DRP2: variants seen among roughly 807,000 people sequenced by gnomAD.
The protein encoded by DRP2 is dystrophin-related protein 2.
A neutral mutation model predicts 78.2 loss-of-function variants in DRP2; 29 were observed. That is an observed-to-expected ratio of 0.37 (90% CI 0.28 to 0.51). DRP2 has a LOEUF of 0.51. Ranked by LOEUF, DRP2 falls within the 20% of genes least tolerant of loss-of-function variation. The pLI is 0.94. For missense variants in DRP2, 686 were observed against 770.6 expected (o/e 0.89, Z 1.30); for synonymous variants, 290 against 281.9 (o/e 1.03, Z -0.29).
intron 2 of DRP2, among the ~76,000 whole-genome samples, chrX:101,231,049 C>T (rs781410009): frequency 2.7e-5 from 3 of 112,305 alleles, no homozygotes; most frequent in Non-Finnish European, 5.6e-5. Context: ...ATCCCATTGT[C>T]CTCTGAACAT....
chrX:101,248,177 C>A lies in DRP2; in HGVS notation c.1341C>A (p.Val447=). Residue 447 remains valine (V), a synonymous_variant, in exon 13 of 24, where the codon GTC becomes GTA. Coordinates refer to ENST00000395209, the MANE Select transcript of DRP2 (RefSeq NM_001939.3). ...AGCACGTGATGGATGTGGTAGAGGTCATTCACTGCCTGACTGCCTTATATG... is the reference window on the plus strand; with the variant it reads ...AGCACGTGATGGATGTGGTAGAGGTAATTCACTGCCTGACTGCCTTATATG... ...ASEHVMDVVE[V]IHCLTALYER... The A allele has an allele frequency of 1.7e-6, 2 of 1,211,203 alleles. No homozygotes were observed. The highest frequency in any genetic ancestry group is 1.8e-5 in the South Asian group (1 of 56,958).
At chrX:101,250,324 C>A in intron 14 of DRP2, 99 bp from the exon 15 acceptor site, 1 of 1,112,506 alleles carries the variant, frequency 9.0e-7, no homozygotes, top group South Asian at 1.9e-5. Context: ...TTAGCTCAGT[C>A]TGTGCTCTTT....
At chrX:101,226,350 A>T (rs1035996311) in intron 2 of DRP2, among the ~76,000 whole-genome samples, 1 of 112,061 alleles carries the variant, frequency 8.9e-6, no homozygotes, top group Non-Finnish European at 1.9e-5. Context: ...AACATTGTAC[A>T]TTATTCCACA....
chrX:101,227,795 T>G (rs919149416), intron 2 of DRP2, among the ~76,000 whole-genome samples: 3 of 112,064 alleles, frequency 2.7e-5, no homozygotes, highest in African/African-American at 9.7e-5. Flanking sequence ...GTGTTAGGAT[T>G]AGAAGGTCTG....
In DRP2 at chrX:101,235,947, G is replaced by T. The variant is rs1471326289; in HGVS notation, c.205G>T (p.Gly69Cys). 8.3e-7 allele frequency: 1 copy of T among 1,211,839 alleles called. No individual in the cohort carries two copies. The highest frequency in any genetic ancestry group is 2.2e-5 in the Admixed American group (1 of 46,097). The change falls in exon 4 of 24, where the codon GGT (glycine) becomes TGT (cysteine). Residue 69 changes from glycine (G) to cysteine (C), a missense_variant. Transcript: ENST00000395209. ...CCTAAAGCTGTTGAACGGGTCTGTT[G>T]GTGCCTCTGGACCCCTGGAACCACC... ...LSLKLLNGSVGASGPLEPPAM... is the reference protein window; with the variant it reads ...LSLKLLNGSVCASGPLEPPAM...
chrX:101,236,604 C>A (rs1170846247), intron 4 of DRP2, among the ~76,000 whole-genome samples: 1 of 112,078 alleles, frequency 8.9e-6, no homozygotes, highest in Non-Finnish European at 1.9e-5. Flanking sequence ...TCTGTGCATG[C>A]CTGCCACTTT....
intron 11 of DRP2, 32 bp from the exon 12 acceptor site, chrX:101,247,058 G>T: frequency 8.4e-7 from 1 of 1,191,278 alleles, no homozygotes; most frequent in Non-Finnish European, 1.1e-6. Context: ...GAATTTTTCT[G>T]ATCTGAGTGG....
chrX:101,237,736 G>T lies in DRP2; in HGVS notation c.399G>T (p.Gly133=). The T allele has an allele frequency of 1.7e-6, 2 of 1,165,835 alleles. No homozygotes were observed. Among genetic ancestry groups the T allele is most frequent in the African/African-American group, 1.8e-5 (1 of 57,015 alleles). The change falls in exon 5 of 24, where the codon GGG becomes GGT. Residue 133 remains glycine (G), a synonymous_variant. Transcript: ENST00000395209. ...EELSAQLPLQ[G]DVALVQQEKE... ...TGTCAGCTCAGCTGCCCCTACAGGG[G>T]GATGTGGCCCTGGTGCAACAGGAGA...
In DRP2 at chrX:101,231,511, C is replaced by T. The variant is rs986726844; in HGVS notation, c.-63-74C>T. ...TACTTATTTGTATATCTGGTCAAGG[C>T]ACCTCTGGGTAGATGCTTGATTCAT... On this transcript the variant is annotated intron_variant, in intron 2 of 23. Coordinates refer to ENST00000395209, the MANE Select transcript of DRP2 (RefSeq NM_001939.3). 17 of 584,232 alleles carry T rather than the reference C, an allele frequency of 2.9e-5. No homozygotes were observed. In the African/African-American group the frequency reaches 3.3e-4, roughly 11 times the overall value. 48.1% of individuals were successfully genotyped at this position (584,232 alleles called of 1,213,427 possible).
At chrX:101,254,162 T>G (rs1179578290) in intron 17 of DRP2, among the ~76,000 whole-genome samples, 1 of 88,288 alleles carries the variant, frequency 1.1e-5, no homozygotes, top group Non-Finnish European at 2.3e-5. Context: ...TTAGAGGAAC[T>G]GAGACAATTA....
At chrX:101,250,679 C>T (rs1283315409) in intron 15 of DRP2, 99 bp downstream of exon 15, 10 of 1,055,334 alleles carry the variant, frequency 9.5e-6, no homozygotes, top group East Asian at 6.3e-5. Context: ...ATCTGAAGTA[C>T]GCAGATGCAA....
chrX:101,221,855 A>T (rs1404702731), intron 1 of DRP2, among the ~76,000 whole-genome samples: 3 of 111,928 alleles, frequency 2.7e-5, no homozygotes, highest in Non-Finnish European at 5.6e-5. Flanking sequence ...CTTCTCAGGG[A>T]TACACACTCA....
chrX:101,245,570 C>A, intron 11 of DRP2, 121 bp downstream of exon 11: 3 of 561,646 alleles, frequency 5.3e-6, no homozygotes, highest in African/African-American at 2.3e-5. Flanking sequence ...GAATATTCAG[C>A]CTTTAGAAAG....
At chrX:101,251,777 T>C (rs2066679679) in intron 16 of DRP2, 1 of 112,311 alleles carries the variant, frequency 8.9e-6, no homozygotes, top group Admixed American at 9.4e-5. Flanking sequence ...CACCACAGTA[T>C]ATACCTGTGA....
chrX:101,244,987 T>C (rs1363463832), intron 9 of DRP2, 30 bp from the exon 10 acceptor site: 7 of 1,190,728 alleles, frequency 5.9e-6, no homozygotes, highest in East Asian at 6.0e-5. Flanking sequence ...AGTGGCCAGC[T>C]TTTTTTCTCT....
At chrX:101,245,121 C>T in intron 10 of DRP2, 44 bp downstream of exon 10, 1 of 1,121,933 alleles carries the variant, frequency 8.9e-7, no homozygotes, top group Non-Finnish European at 1.2e-6. Context: ...CACCTGCCCA[C>T]CCCCTCCCTC....
chrX:101,255,072 A>T, intron 19 of DRP2, 112 bp from the exon 20 acceptor site: 1 of 1,045,071 alleles, frequency 9.6e-7, no homozygotes, highest in Admixed American at 2.2e-5. Context: ...AACACTTAGG[A>T]GTAGTTGGGG....
chrX:101,231,463 T>C, intron 2 of DRP2, 122 bp from the exon 3 acceptor site: 2 of 499,551 alleles, frequency 4.0e-6, no homozygotes, highest in Non-Finnish European at 7.2e-6. Context: ...CATGGTGGCC[T>C]GGGTAGGTCA....
rs1025867572 is a variant in DRP2, at chrX:101,242,606, C to A, written c.975+135C>A. Reference sequence around the variant, plus strand: ...GGAGAATGTGGAGCTAGGGAATGGGCTTTTCAACCTCTAAGCTGCAGGGAA... The same window carrying A: ...GGAGAATGTGGAGCTAGGGAATGGGATTTTCAACCTCTAAGCTGCAGGGAA... On this transcript the variant is annotated intron_variant, in intron 8 of 23. Transcript: ENST00000395209. 7.2e-6 allele frequency: 6 copies of A among 830,121 alleles called. No homozygotes were observed. The African/African-American group carries it at 8.3e-5, about 12-fold the overall frequency. The allele number at this position is 830,121 out of a possible 1,213,427, so 68.4% of individuals were successfully genotyped here. A position where few individuals can be genotyped will look rare whatever the true frequency, so the allele number is the denominator to read the frequency against.
Sources: gnomAD v4.1 joint callset for allele counts (sites outside exome capture counted in the v4.1 genomes callset) on GRCh38, gnomAD v4.1.1 for gene constraint, MANE v1.5 for transcripts, NCBI Gene and HGNC (gene_info 2026-07-23, HGNC 2026-07-21) for gene names.